Variants in NOD1 observed in about 807,000 individuals in gnomAD.
The protein encoded by NOD1 is nucleotide-binding oligomerization domain-containing protein 1.
Under a neutral mutation model 81.2 loss-of-function variants are expected in NOD1, and 70 were observed. The observed-to-expected ratio is 0.86, with a 90% CI of 0.71 to 1.05. The LOEUF is 1.05. NOD1 is among the 50% of genes least tolerant of loss of function. The probability of loss-of-function intolerance (pLI) is 0.00; values close to 1 mark genes in which losing one functional copy is unlikely to be tolerated. For synonymous variants in NOD1, 508 were observed against 526.9 expected (o/e 0.96, Z 0.49); for missense variants, 1,233 against 1,228.0 (o/e 1.00, Z -0.06).
chr7:30,432,297 A>G lies in NOD1; in HGVS notation c.2705+799T>C, dbSNP rs1335555463. 4.6e-5 allele frequency among the ~76,000 whole-genome samples: 7 copies of G among 152,310 alleles called. No individual in the cohort carries two copies. The East Asian group carries it at 1.3e-3, about 29-fold the overall frequency. ...ATTTTAAAATGGGCAAAGGATATGG[A>G]GACATTTCTCCAAAGAAGCTATACA... On this transcript the variant is annotated intron_variant, in intron 12 of 13. Transcript: ENST00000222823.
chr7:30,433,168 T>G lies in NOD1; in HGVS notation c.2633A>C (p.Asn878Thr). ...TSLEILWLTQ[N>T]ELNDEVAESL... ...CTCTGCCACTTCATCGTTGAGTTCA[T>G]TTTGGGTCAGCCTAAGGAAAAAAAA... Residue 878 changes from asparagine (N) to threonine (T), a missense_variant, in exon 12 of 14, where the codon AAT becomes ACT. By Grantham distance (65) the Asn-to-Thr change is moderately conservative. Coordinates refer to ENST00000222823, the MANE Select transcript of NOD1 (RefSeq NM_006092.4). 6.2e-7 allele frequency: 1 copy of G among 1,613,806 alleles called. No individual in the cohort carries two copies. The highest frequency in any genetic ancestry group is 8.5e-7 in the Non-Finnish European group (1 of 1,179,690).
At position 30,467,122 on chromosome 7, in the gene NOD1, T is replaced by C. The variant is rs1787775895; in HGVS notation, c.-351-7081A>G. On this transcript the variant is annotated intron_variant, in intron 1 of 13. Coordinates refer to ENST00000222823, the MANE Select transcript of NOD1 (RefSeq NM_006092.4). The surrounding 1 kb of genome is among the most constrained non-coding windows in gnomAD (Gnocchi z 4.5). ...TTAAGACATCCTGTCACTTGAAAAATGTAAGTTGCAGAAAGAAATATAGAG... is the reference window on the plus strand; with the variant it reads ...TTAAGACATCCTGTCACTTGAAAAACGTAAGTTGCAGAAAGAAATATAGAG... Among the ~76,000 whole-genome samples, 2 of 152,110 alleles carry C rather than the reference T, an allele frequency of 1.3e-5. No individual in the cohort carries two copies. The highest frequency in any genetic ancestry group is 4.8e-5 in the African/African-American group (2 of 41,404).
intron 1 of NOD1, chr7:30,460,484 G>A (rs1219104449): frequency 1.0e-6 from 1 of 985,318 alleles, no homozygotes; most frequent in African/African-American, 1.7e-5. Flanking sequence ...TCCCAGGCCA[G>A]TGGTGCAGAC....
chr7:30,457,020 G>C lies in NOD1; in HGVS notation c.-99C>G, dbSNP rs1583800896. On this transcript the variant is annotated 5_prime_UTR_variant, in exon 4 of 14. Transcript: ENST00000222823. ...CAGGATTCAGGCCGCGCCCTCCAGGGCCCCTGCTACTCTGCGCAGCCCCTG... is the reference window on the plus strand; with the variant it reads ...CAGGATTCAGGCCGCGCCCTCCAGGCCCCCTGCTACTCTGCGCAGCCCCTG... 1.1e-6 allele frequency: 1 copy of C among 952,140 alleles called. No individual in the cohort carries two copies. Among genetic ancestry groups the C allele is most frequent in the Non-Finnish European group, 1.7e-6 (1 of 599,534 alleles). 59.0% of individuals were successfully genotyped at this position (952,140 alleles called of 1,614,324 possible). A position where few individuals can be genotyped will look rare whatever the true frequency, so the allele number is the denominator to read the frequency against.
chr7:30,471,078 C>T lies in NOD1; in HGVS notation c.-352+7528G>A, dbSNP rs868190928. Among the ~76,000 whole-genome samples, 7 of 152,162 alleles carry T rather than the reference C, an allele frequency of 4.6e-5. 1 individual carries two copies. The highest frequency in any genetic ancestry group is 1.4e-4 in the African/African-American group (6 of 41,426). On this transcript the variant is annotated intron_variant, in intron 1 of 13. Coordinates refer to ENST00000222823, the MANE Select transcript of NOD1 (RefSeq NM_006092.4). ...CACAGCAAATAAACACTCTGCTGAT[C>T]GCTGGCCAAAATGCTTAGCTGAAGA...
At chr7:30,431,428 G>A (rs1037746803) in intron 12 of NOD1, among the ~76,000 whole-genome samples, 1 of 152,164 alleles carries the variant, frequency 6.6e-6, no homozygotes, top group Admixed American at 6.5e-5. Context: ...CTACAGCAAT[G>A]GTCCTGGCAT....
At chr7:30,439,342 T>A (rs1052634473) in intron 9 of NOD1, among the ~76,000 whole-genome samples, 1 of 140,692 alleles carries the variant, frequency 7.1e-6, no homozygotes, top group Non-Finnish European at 1.5e-5. Context: ...CCATCTGAGG[T>A]ACCGGGTTCA....
intron 3 of NOD1, among the ~76,000 whole-genome samples, chr7:30,457,429 T>TG (rs1786498536): frequency 6.6e-6 from 1 of 152,110 alleles, no homozygotes; most frequent in South Asian, 2.1e-4. Flanking sequence ...CCAGCCTGGG[T>TG]GACAGAGCAA....
chr7:30,452,188 C>G lies in NOD1; in HGVS notation c.1229G>C (p.Gly410Ala). The G allele has an allele frequency of 1.9e-6, 3 of 1,613,930 alleles. No individual in the cohort carries two copies. The highest frequency in any genetic ancestry group is 2.5e-6 in the Non-Finnish European group (3 of 1,180,022). The change falls in exon 6 of 14, where the codon GGC (glycine) becomes GCC (alanine). Residue 410 changes from glycine to alanine, a missense_variant. By Grantham distance (60) the Gly-to-Ala change is moderately conservative (BLOSUM62 0). Coordinates refer to ENST00000222823, the MANE Select transcript of NOD1 (RefSeq NM_006092.4). ...CGTGCAGTCGGGCAGCTGTGGTGAG[C>G]CTTCAAAGGCAGCACGGAAGTGCTG... ...CFQHFRAAFE[G>A]SPQLPDCTMT...
intron 9 of NOD1, among the ~76,000 whole-genome samples, chr7:30,438,961 TC>T: frequency 6.6e-6 from 1 of 152,308 alleles, no homozygotes. Context: ...TTACCTGTGT[TC>T]CTTTTGTAAT....
intron 1 of NOD1, among the ~76,000 whole-genome samples, chr7:30,475,105 T>C (rs543330547): frequency 6.6e-6 from 1 of 152,326 alleles, no homozygotes; most frequent in South Asian, 2.1e-4. Context: ...TTTAATCTTT[T>C]GGGAATTAGA....
At chr7:30,448,203 C>T (rs1785312317) in intron 7 of NOD1, 95 bp downstream of exon 7, 11 of 1,039,682 alleles carry the variant, frequency 1.1e-5, no homozygotes, top group South Asian at 7.8e-5. Flanking sequence ...CTGGGCCATC[C>T]GTGCCGATCA....
intron 1 of NOD1, among the ~76,000 whole-genome samples, chr7:30,474,007 G>A (rs1788526371): frequency 1.3e-5 from 2 of 152,220 alleles, no homozygotes; most frequent in African/African-American, 2.4e-5. Flanking sequence ...GACACAGGAA[G>A]TCTATGTAAA....
Position 30,451,601 on chromosome 7 carries a change from G to A in NOD1, c.1816C>T (p.His606Tyr), listed in dbSNP as rs759079848. The A allele has an allele frequency of 1.2e-6, 2 of 1,613,878 alleles. No individual in the cohort carries two copies. Among genetic ancestry groups the A allele is most frequent in the Non-Finnish European group, 1.7e-6 (2 of 1,180,004 alleles). The change falls in exon 6 of 14, where the codon CAT becomes TAT. Residue 606 changes from histidine (H) to tyrosine (Y), a missense_variant. By Grantham distance (83) the His-to-Tyr change is moderately conservative. Transcript: ENST00000222823. The surrounding 1 kb of genome is among the most constrained non-coding windows in gnomAD (Gnocchi z 4.2). The part of the protein sequence containing the change: ...LSKAKQKLLR[H>Y]LVPAAALRRK... ...CTCAGGGCTGCCGCGGGCACCAGAT[G>A]CCGCAGGAGTTTCTGTTTGGCTTTG...
chr7:30,445,153 C>G (rs1049623561), intron 9 of NOD1, among the ~76,000 whole-genome samples: 1 of 84,532 alleles, frequency 1.2e-5, no homozygotes, highest in East Asian at 3.2e-4. Flanking sequence ...GGAGATATAC[C>G]TAATGCTAGA....
At chr7:30,430,833 C>T (rs573437751) in intron 12 of NOD1, among the ~76,000 whole-genome samples, 3 of 152,306 alleles carry the variant, frequency 2.0e-5, no homozygotes, top group Non-Finnish European at 4.4e-5. Flanking sequence ...GGGCTGCAGC[C>T]AGGATCTGGT....
intron 9 of NOD1, among the ~76,000 whole-genome samples, chr7:30,439,270 G>A (rs905415936): frequency 1.4e-5 from 2 of 141,284 alleles, no homozygotes; most frequent in African/African-American, 6.4e-5. Flanking sequence ...GGCCGAATAG[G>A]AACAGCTCCG....
rs779617263 is a variant in NOD1 at position 30,452,272 on chromosome 7, G to A, written c.1145C>T (p.Pro382Leu). 5.0e-6 allele frequency: 8 copies of A among 1,613,512 alleles called. No individual in the cohort carries two copies. The Admixed American group carries it at 1.3e-4, about 27-fold the overall frequency. ...CACAGAGCACAGGCTGCAGAGGTTG[G>A]GGTTGGCCTCCAGCTGGCTCAGCAG... Reference protein sequence around the residue: ...DRLLSQLEANPNLCSLCSVPL... With the variant: ...DRLLSQLEANLNLCSLCSVPL... Residue 382 changes from proline to leucine, a missense_variant, in exon 6 of 14, where the codon CCC becomes CTC. Coordinates refer to ENST00000222823, the MANE Select transcript of NOD1 (RefSeq NM_006092.4).
chr7:30,460,592 C>A, intron 1 of NOD1: 2 of 985,280 alleles, frequency 2.0e-6, no homozygotes, highest in Non-Finnish European at 2.4e-6. Context: ...CAGGACACAC[C>A]GCAGAACAAA....
Sources: allele counts gnomAD v4.1 joint callset (sites outside exome capture counted in the v4.1 genomes callset), GRCh38; gene constraint gnomAD v4.1.1; non-coding constraint Gnocchi (gnomAD v3.1); transcripts MANE v1.5; gene names NCBI Gene and HGNC (gene_info 2026-07-23, HGNC 2026-07-21).